CREBBP: variants seen among roughly 807,000 people sequenced by gnomAD.
CREBBP encodes CREB binding lysine acetyltransferase, also known as CREB-binding protein.
In CREBBP, 19 loss-of-function variants were observed where a neutral mutation model predicts 265.0. The ratio of observed to expected loss-of-function variants is 0.07; its 90% confidence interval spans 0.05 to 0.11. The LOEUF (loss-of-function observed/expected upper bound fraction) is 0.11, where lower values mean the gene tolerates loss of function less well. Ranked by LOEUF, CREBBP falls within the 10% of genes least tolerant of loss-of-function variation. The probability of loss-of-function intolerance (pLI) is 1.00; values close to 1 mark genes in which losing one functional copy is unlikely to be tolerated. For missense variants in CREBBP, 2,525 were observed against 3,219.0 expected, an observed-to-expected ratio of 0.78 and a Z score of 5.22; for synonymous variants, 1,457 against 1,223.7, an observed-to-expected ratio of 1.19 and a Z score of -3.98.
chr16:3,877,696 C>A (rs1050003689), intron 1 of CREBBP, among the ~76,000 whole-genome samples: 3 of 152,240 alleles, frequency 2.0e-5, no homozygotes, highest in Non-Finnish European at 4.4e-5. Context: ...TGAGCCATGG[C>A]GCCCAGCAGC....
At chr16:3,849,478 TGTGTGTGTGTGA>T (rs1456847578) in intron 2 of CREBBP, among the ~76,000 whole-genome samples, 7 of 122,340 alleles carry the variant, frequency 5.7e-5, no homozygotes, top group South Asian at 2.9e-4. Context: ...TGTGTGTGTG[TGTGTGTGTGTGA>T]TGTGCGTGAC....
At chr16:3,791,807 C>T (rs991100236) in intron 5 of CREBBP, among the ~76,000 whole-genome samples, 174 bp downstream of exon 5, 1 of 152,180 alleles carries the variant, frequency 6.6e-6, no homozygotes, top group African/African-American at 2.4e-5. Flanking sequence ...GTTCCTGACA[C>T]GGAGAGCCCG....
At chr16:3,790,225 G>C (rs1312448174) in intron 5 of CREBBP, among the ~76,000 whole-genome samples, 2 of 152,110 alleles carry the variant, frequency 1.3e-5, no homozygotes, top group Admixed American at 1.3e-4. Flanking sequence ...TATTCCATTA[G>C]AACTACTGTC....
chr16:3,804,272 T>C (rs1265125148), intron 3 of CREBBP, among the ~76,000 whole-genome samples: 1 of 152,196 alleles, frequency 6.6e-6, no homozygotes, highest in East Asian at 1.9e-4. Flanking sequence ...ATACTCTTCT[T>C]GAATACTGTT....
rs2151306003 is a variant in CREBBP, at chr16:3,728,925, G to A, written c.6122C>T (p.Ser2041Phe). ...PMPGLPRPVI[S>F]MQAQAAVAGP... Reference sequence around the variant, plus strand: ...AGCCACGGCCGCCTGGGCCTGCATGGATATCACAGGCCTGGGCAAGCCTGG... The same window carrying A: ...AGCCACGGCCGCCTGGGCCTGCATGAATATCACAGGCCTGGGCAAGCCTGG... The change falls in exon 31 of 31, where the codon TCC (serine) becomes TTC (phenylalanine). Residue 2041 changes from serine to phenylalanine, a missense_variant. By Grantham distance (155) the Ser-to-Phe change is radical. Around this residue, in one of 19 missense-constraint regions of CREBBP, gnomAD observed 275 missense variants for 276.5 expected, o/e 0.99. Transcript: ENST00000262367. This position sits in a 1 kb window ranked among gnomAD's most constrained non-coding sequence, Gnocchi z 8.7. 6.2e-7 allele frequency: 1 copy of A among 1,604,836 alleles called. No individual in the cohort carries two copies. Among genetic ancestry groups the A allele is most frequent in the South Asian group, 1.1e-5 (1 of 90,916 alleles).
In CREBBP at chr16:3,875,932, T is replaced by G. The variant is rs573898066; in HGVS notation, c.85+3900A>C. Among the ~76,000 whole-genome samples the G allele has an allele frequency of 5.9e-5, 9 of 152,268 alleles. No individual in the cohort carries two copies. In the South Asian group the frequency reaches 1.9e-3, roughly 32 times the overall value. ...GCTTTCTTTAAATAAGCTTCCCTAT[T>G]GCATTTAAAAGGATTCACGTCATAA... On this transcript the variant is annotated intron_variant, in intron 1 of 30. Coordinates refer to ENST00000262367, the MANE Select transcript of CREBBP (RefSeq NM_004380.3).
intron 30 of CREBBP, among the ~76,000 whole-genome samples, chr16:3,730,254 C>T (rs1466149824): frequency 6.6e-5 from 10 of 152,186 alleles, no homozygotes; most frequent in Middle Eastern, 3.2e-3. Context: ...CCCTTCCTTC[C>T]GACTTCCTCT....
chr16:3,823,343 G>C (rs1163229577), intron 2 of CREBBP, among the ~76,000 whole-genome samples: 1 of 152,148 alleles, frequency 6.6e-6, no homozygotes, highest in African/African-American at 2.4e-5. Context: ...AATAAAACTA[G>C]GTAGATCAAA....
intron 3 of CREBBP, among the ~76,000 whole-genome samples, chr16:3,803,902 G>A (rs980443630): frequency 1.2e-4 from 18 of 152,014 alleles, no homozygotes; most frequent in African/African-American, 3.4e-4. Flanking sequence ...GCAACATGGC[G>A]AAACCTGTCT....
At chr16:3,870,237 G>A (rs1426079601) in intron 1 of CREBBP, among the ~76,000 whole-genome samples, 2 of 152,058 alleles carry the variant, frequency 1.3e-5, no homozygotes, top group Non-Finnish European at 2.9e-5. Flanking sequence ...GAGGAGAAAA[G>A]TCACACAGTA....
At chr16:3,875,695 C>T (rs1428455557) in intron 1 of CREBBP, among the ~76,000 whole-genome samples, 1 of 152,152 alleles carries the variant, frequency 6.6e-6, no homozygotes, top group Non-Finnish European at 1.5e-5. Context: ...TATAGAGCTA[C>T]GGACTTTAAC....
intron 1 of CREBBP, among the ~76,000 whole-genome samples, chr16:3,862,678 C>A (rs562602097): frequency 2.6e-5 from 4 of 152,246 alleles, no homozygotes; most frequent in African/African-American, 9.6e-5. Flanking sequence ...GATCCACATA[C>A]CTACCAAAGT....
rs2053257123 is a variant in CREBBP at position 3,780,831 on chromosome 16, C to T, written c.1724G>A (p.Ser575Asn). Residue 575 changes from serine to asparagine, a missense_variant, in exon 8 of 31, where the codon AGC becomes AAC. By Grantham distance (46) the Ser-to-Asn change is conservative. This residue lies in a region of CREBBP where 144 missense variants were observed against 134.0 expected (regional missense o/e 1.07). Coordinates refer to ENST00000262367, the MANE Select transcript of CREBBP (RefSeq NM_004380.3). ...AGGAGGAGCTGCTGTTGGTATAGTGCTGAGGGTTCCAATGTTACCAGAGTT... is the reference window on the plus strand; with the variant it reads ...AGGAGGAGCTGCTGTTGGTATAGTGTTGAGGGTTCCAATGTTACCAGAGTT... Reference protein sequence around the residue: ...GSNSGNIGTLSTIPTAAPPSS... With the variant: ...GSNSGNIGTLNTIPTAAPPSS... 2 of 1,613,838 alleles carry T rather than the reference C, an allele frequency of 1.2e-6. No individual in the cohort carries two copies. Among genetic ancestry groups the T allele is most frequent in the East Asian group, 4.5e-5 (2 of 44,876 alleles).
chr16:3,871,010 G>C (rs949956478), intron 1 of CREBBP, among the ~76,000 whole-genome samples: 2 of 147,184 alleles, frequency 1.4e-5, no homozygotes, highest in South Asian at 4.3e-4. Context: ...ATGTAAAGAA[G>C]GGGAGGGGAA....
In CREBBP at chr16:3,770,895, G is replaced by A. The variant is rs2141203672; in HGVS notation, c.2555C>T (p.Pro852Leu). The part of the protein sequence containing the change: ...QLPCPPVTQS[P>L]LHPTPPPAST... ...AGCAGGAGGCGGTGTTGGGTGCAGTGGTGACTGTGTCACTGGAGGGCAAGG... is the reference window on the plus strand; with the variant it reads ...AGCAGGAGGCGGTGTTGGGTGCAGTAGTGACTGTGTCACTGGAGGGCAAGG... The change falls in exon 14 of 31, where the codon CCA becomes CTA. Residue 852 changes from proline to leucine, a missense_variant. Pro to Leu is a moderately conservative substitution (Grantham distance 98). This residue lies in a region of CREBBP where 548 missense variants were observed against 533.0 expected (regional missense o/e 1.03). Coordinates refer to ENST00000262367, the MANE Select transcript of CREBBP (RefSeq NM_004380.3). The A allele has an allele frequency of 6.2e-7, 1 of 1,613,866 alleles. No individual in the cohort carries two copies. Among genetic ancestry groups the A allele is most frequent in the Non-Finnish European group, 8.5e-7 (1 of 1,180,030 alleles).
chr16:3,810,551 G>T (rs910545317), intron 3 of CREBBP, 52 bp downstream of exon 3: 13 of 1,597,384 alleles, frequency 8.1e-6, no homozygotes, highest in African/African-American at 6.7e-5. Context: ...AAAATCCACA[G>T]ACCACAGCAC....
At chr16:3,771,529 T>TA (rs1234387072) in intron 13 of CREBBP, among the ~76,000 whole-genome samples, 1 of 152,254 alleles carries the variant, frequency 6.6e-6, no homozygotes, top group Non-Finnish European at 1.5e-5. Flanking sequence ...ACTTATGGCT[T>TA]AAACACACAC....
At position 3,770,968 on chromosome 16, in the gene CREBBP, C is replaced by A. The variant is rs779000839; in HGVS notation, c.2482G>T (p.Ala828Ser). ...AGCATGTTGAGAGGGTTAGGAAGAG[C>A]AGCACCAGGCACCTGTCCCTACCAG... ...GVSQGQVPGA[A>S]LPNPLNMLGP... The change falls in exon 14 of 31, where the codon GCT becomes TCT. Residue 828 changes from alanine (A) to serine (S), a missense_variant. By Grantham distance (99) the Ala-to-Ser change is moderately conservative. Coordinates refer to ENST00000262367, the MANE Select transcript of CREBBP (RefSeq NM_004380.3). 3.5e-5 allele frequency: 57 copies of A among 1,613,392 alleles called. No individual in the cohort carries two copies. The Admixed American group carries it at 9.3e-4, about 26-fold the overall frequency.
At chr16:3,739,335 T>A (rs927910333) in intron 25 of CREBBP, 4 of 542,040 alleles carry the variant, frequency 7.4e-6, no homozygotes, top group Non-Finnish European at 1.3e-5. Flanking sequence ...TTTACCTGCG[T>A]TAGGTAAGAG....
Sources: gnomAD v4.1 joint callset for allele counts (sites outside exome capture counted in the v4.1 genomes callset) on GRCh38, gnomAD v4.1.1 for gene constraint, gnomAD v4.1.1 regional missense constraint, Gnocchi (gnomAD v3.1) non-coding constraint, MANE v1.5 for transcripts, NCBI Gene and HGNC (gene_info 2026-07-23, HGNC 2026-07-21) for gene names.